The following EPS15L1 variants were observed in gnomAD, a reference collection of about 807,000 sequenced individuals.
The protein encoded by EPS15L1 is epidermal growth factor receptor pathway substrate 15 like 1.
Under a neutral mutation model 117.1 loss-of-function variants are expected in EPS15L1, and 43 were observed. The observed-to-expected ratio is 0.37, with a 90% CI of 0.29 to 0.47. The LOEUF is 0.47. EPS15L1 is among the 20% of genes least tolerant of loss of function. EPS15L1 has a pLI of 0.99. For missense variants in EPS15L1, 981 were observed against 1,164.0 expected (o/e 0.84, Z 2.29); for synonymous variants, 459 against 470.5 (o/e 0.98, Z 0.32).
chr19:16,428,414 G>GGGAA (rs770246482), intron 8 of EPS15L1, among the ~76,000 whole-genome samples: 4,957 of 133,260 alleles, frequency 0.037, 329 homozygotes, highest in African/African-American at 0.13. Flanking sequence ...AAGGGAGGGA[G>GGGAA]GGAAGGAAGG....
intron 21 of EPS15L1, among the ~76,000 whole-genome samples, chr19:16,377,679 G>A (rs548188929): frequency 1.5e-4 from 23 of 152,302 alleles, no homozygotes; most frequent in Non-Finnish European, 2.8e-4. Context: ...CTGGTGTGCC[G>A]CCTCCCCACT....
At chr19:16,412,442 G>GC in intron 13 of EPS15L1, among the ~76,000 whole-genome samples, 1 of 151,894 alleles carries the variant, frequency 6.6e-6, no homozygotes, top group Admixed American at 6.6e-5. Flanking sequence ...GGAAATTGCA[G>GC]TGAGCTGAGA....
At chr19:16,362,511 C>CTTTTT (rs71178690) in intron 22 of EPS15L1, among the ~76,000 whole-genome samples, 3 of 56,036 alleles carry the variant, frequency 5.4e-5, no homozygotes, top group Non-Finnish European at 7.3e-5. Context: ...GGTTTAAGTT[C>CTTTTT]TTTTTTTTTT....
At chr19:16,403,236 C>G (rs978312333) in intron 15 of EPS15L1, among the ~76,000 whole-genome samples, 2 of 152,142 alleles carry the variant, frequency 1.3e-5, no homozygotes, top group African/African-American at 2.4e-5. Context: ...CAGCGCCCCC[C>G]CCTGGACTGG....
chr19:16,423,794 C>T (rs2144962424), intron 9 of EPS15L1, among the ~76,000 whole-genome samples: 1 of 152,274 alleles, frequency 6.6e-6, no homozygotes, highest in African/African-American at 2.4e-5. Flanking sequence ...AGCCAGGGAT[C>T]ACAAAGAGGT....
At chr19:16,395,193 T>C (rs979794205) in intron 17 of EPS15L1, 151 bp downstream of exon 17, 1 of 735,268 alleles carries the variant, frequency 1.4e-6, no homozygotes, top group Admixed American at 2.9e-5. Context: ...AGAGCGAGAG[T>C]TCGTCTCCAA....
rs1402814715 is a variant in EPS15L1 at position 16,402,368 on chromosome 19, G to C, written c.1744C>G (p.Leu582Val). The change falls in exon 16 of 24, where the codon CTG (leucine) becomes GTG (valine). Residue 582 changes from leucine to valine, a missense_variant. Physicochemically the swap from Leu to Val is conservative, Grantham distance 32. Coordinates refer to ENST00000455140, the MANE Select transcript of EPS15L1 (RefSeq NM_001258374.3). Reference protein sequence around the residue: ...HGASLTDLANLSEGVSLAERG... With the variant: ...HGASLTDLANVSEGVSLAERG... ...TCTGCCAGGGAGACGCCTTCGCTCA[G>C]GTTGGCCAGGTCGGTCAGGCTGGCA... The C allele has an allele frequency of 6.2e-7, 1 of 1,613,972 alleles. No homozygotes were observed. The highest frequency in any genetic ancestry group is 1.3e-5 in the African/African-American group (1 of 74,912).
chr19:16,460,105 G>A (rs547948526), intron 1 of EPS15L1, among the ~76,000 whole-genome samples: 1 of 152,224 alleles, frequency 6.6e-6, no homozygotes, highest in South Asian at 2.1e-4. Flanking sequence ...TGAGACCCTA[G>A]CCCTACAAAA....
rs1352981870 is a variant in EPS15L1 at position 16,371,205 on chromosome 19, TGGC to T, written c.2380+5914_2380+5916del. Among the ~76,000 whole-genome samples, 1 of 152,084 alleles carries T rather than the reference TGGC, an allele frequency of 6.6e-6. No homozygotes were observed. Among genetic ancestry groups the T allele is most frequent in the Non-Finnish European group, 1.5e-5 (1 of 68,006 alleles). ...GGTCACTGAGCCCTGGTTTCGATGT[TGGC>T]CTGGCATTTCAGAGAAGTGGGAGAG... On this transcript the variant is annotated intron_variant, in intron 22 of 23. Transcript: ENST00000455140. The surrounding 1 kb of genome is among the most constrained non-coding windows in gnomAD (Gnocchi z 4.7).
intron 22 of EPS15L1, among the ~76,000 whole-genome samples, chr19:16,363,881 GA>G (rs2092095682): frequency 1.3e-5 from 2 of 152,346 alleles, no homozygotes; most frequent in South Asian, 4.1e-4. Context: ...CATATTCAAG[GA>G]AAAACAGTCT....
rs547045369 is a variant in EPS15L1 at position 16,394,045 on chromosome 19, G to A, written c.1916-44C>T. 3 of 1,597,312 alleles carry A rather than the reference G, an allele frequency of 1.9e-6. No homozygotes were observed. The East Asian group carries it at 6.7e-5, about 36-fold the overall frequency. On this transcript the variant is annotated intron_variant, in intron 17 of 23. Transcript: ENST00000455140. The stretch of plus-strand genomic sequence containing the variant: ...AAATGCTTATTAGCTCTAGGGCACA[G>A]GATGCGGGCCGGGCCCTTGGACACA...
chr19:16,466,155 AT>A, intron 1 of EPS15L1, among the ~76,000 whole-genome samples: 1 of 152,134 alleles, frequency 6.6e-6, no homozygotes, highest in East Asian at 1.9e-4. Context: ...CGCCTGGCTA[AT>A]TTTTGTATTT....
chr19:16,462,852 T>A (rs1219353334), intron 1 of EPS15L1, among the ~76,000 whole-genome samples: 1 of 152,104 alleles, frequency 6.6e-6, no homozygotes, highest in South Asian at 2.1e-4. Context: ...TCCAGGCCTG[T>A]TGGAACAGAG....
At chr19:16,373,176 G>A (rs7258646) in intron 22 of EPS15L1, among the ~76,000 whole-genome samples, 1 of 152,186 alleles carries the variant, frequency 6.6e-6, no homozygotes, top group South Asian at 2.1e-4. Flanking sequence ...GGGTCCTTCA[G>A]ACTTTTTGTC....
At chr19:16,423,536 C>G (rs538195156) in intron 9 of EPS15L1, among the ~76,000 whole-genome samples, 1 of 152,144 alleles carries the variant, frequency 6.6e-6, no homozygotes, top group African/African-American at 2.4e-5. Flanking sequence ...CACCACTGCA[C>G]TCCAGCCAGG....
chr19:16,362,082 T>C, intron 22 of EPS15L1, 98 bp from the exon 23 acceptor site: 3 of 1,274,044 alleles, frequency 2.4e-6, no homozygotes, highest in Non-Finnish European at 3.2e-6. Context: ...CCGGGGCGCT[T>C]CTCTGAGAAA....
intron 4 of EPS15L1, among the ~76,000 whole-genome samples, chr19:16,438,442 C>T (rs567140689): frequency 1.3e-5 from 2 of 152,286 alleles, no homozygotes; most frequent in Non-Finnish European, 2.9e-5. Context: ...TTTCCAAAAA[C>T]TATGAGCTCC....
At chr19:16,400,356 C>CAAAAAAAAAAAAAAAAAA in intron 16 of EPS15L1, among the ~76,000 whole-genome samples, 1 of 122,944 alleles carries the variant, frequency 8.1e-6, no homozygotes, top group African/African-American at 3.0e-5. Flanking sequence ...AAAACAAAAA[C>CAAAAAAAAAAAAAAAAAA]AAAAAAAAAA....
chr19:16,428,587 A>G (rs1306471012), intron 8 of EPS15L1, 115 bp downstream of exon 8: 7 of 703,210 alleles, frequency 1.0e-5, no homozygotes, highest in Middle Eastern at 2.4e-4. Context: ...GGAAAAGAAA[A>G]GAAAAGAAAA....
Sources: allele counts gnomAD v4.1 joint callset (sites outside exome capture counted in the v4.1 genomes callset), GRCh38; gene constraint gnomAD v4.1.1; non-coding constraint Gnocchi (gnomAD v3.1); transcripts MANE v1.5; gene names NCBI Gene and HGNC (gene_info 2026-07-23, HGNC 2026-07-21).